SEC24A: variants seen among roughly 807,000 people sequenced by gnomAD.
The protein encoded by SEC24A is SEC24 homolog A, COPII component.
A neutral mutation model predicts 129.4 loss-of-function variants in SEC24A; 93 were observed. That is an observed-to-expected ratio of 0.72 (90% CI 0.61 to 0.85). SEC24A has a LOEUF of 0.85. Among genes scored for constraint, SEC24A ranks in the 40% least tolerant of loss-of-function variants. The probability of loss-of-function intolerance (pLI) is 0.00; values close to 1 mark genes in which losing one functional copy is unlikely to be tolerated. For missense variants in SEC24A, 1,264 were observed against 1,307.4 expected (o/e 0.97, Z 0.51); for synonymous variants, 460 against 467.3 (o/e 0.98, Z 0.20).
At chr5:134,716,306 C>T (rs547166707) in intron 19 of SEC24A, among the ~76,000 whole-genome samples, 5 of 151,312 alleles carry the variant, frequency 3.3e-5, no homozygotes, top group African/African-American at 7.3e-5. Context: ...AATAAAAATA[C>T]GAAAAACAAA....
At position 134,661,466 on chromosome 5, in the gene SEC24A, A is replaced by G; in HGVS notation, c.445A>G (p.Thr149Ala). 6.2e-7 allele frequency: 1 copy of G among 1,614,208 alleles called. No individual in the cohort carries two copies. The highest frequency in any genetic ancestry group is 1.1e-5 in the South Asian group (1 of 91,088). ...QYNYPSTASQ[T>A]NHCPRASSQP... Reference sequence around the variant, plus strand: ...TAACTATCCATCCACAGCCTCACAAACAAACCATTGTCCTCGTGCATCATC... The same window carrying G: ...TAACTATCCATCCACAGCCTCACAAGCAAACCATTGTCCTCGTGCATCATC... Residue 149 changes from threonine to alanine, a missense_variant, in exon 2 of 23, where the codon ACA becomes GCA. By Grantham distance (58) the Thr-to-Ala change is moderately conservative. Coordinates refer to ENST00000398844, the MANE Select transcript of SEC24A (RefSeq NM_021982.3).
chr5:134,719,398 A>AAAG lies in SEC24A; in HGVS notation c.2970+1232_2970+1234dup, dbSNP rs1554142527. ...CCTAGTCTCAAAAAAAAAAAAAAAA[A>AAAG]AAGAAGAAGTTGGCTGGGCCCAGTA... On this transcript the variant is annotated intron_variant, in intron 20 of 22. Coordinates refer to ENST00000398844, the MANE Select transcript of SEC24A (RefSeq NM_021982.3). 8.0e-5 allele frequency among the ~76,000 whole-genome samples: 12 copies of AAAG among 149,714 alleles called. No individual in the cohort carries two copies. In the East Asian group the frequency reaches 1.4e-3, roughly 17 times the overall value.
chr5:134,696,815 A>G (rs1211566631), intron 13 of SEC24A, among the ~76,000 whole-genome samples: 1 of 151,184 alleles, frequency 6.6e-6, no homozygotes, highest in African/African-American at 2.4e-5. Flanking sequence ...TTTTTTTTTA[A>G]ATAAATAAAG....
At chr5:134,670,280 C>T (rs1008243424) in intron 3 of SEC24A, among the ~76,000 whole-genome samples, 5 of 152,108 alleles carry the variant, frequency 3.3e-5, no homozygotes, top group African/African-American at 1.2e-4. Flanking sequence ...TTTTGTTTCT[C>T]CTAAAAGTTT....
In SEC24A at chr5:134,672,576, C is replaced by T. The variant is rs540926258; in HGVS notation, c.817+690C>T. Among the ~76,000 whole-genome samples, 5 of 152,026 alleles carry T rather than the reference C, an allele frequency of 3.3e-5. No homozygotes were observed. The South Asian group carries it at 1.0e-3, about 32-fold the overall frequency. On this transcript the variant is annotated intron_variant, in intron 4 of 22. Coordinates refer to ENST00000398844, the MANE Select transcript of SEC24A (RefSeq NM_021982.3). ...AATTCCTGGGCTCAAGCGATCTGCCCATTTTGCCTCCCAAAGTGCTGGGAT... is the reference window on the plus strand; with the variant it reads ...AATTCCTGGGCTCAAGCGATCTGCCTATTTTGCCTCCCAAAGTGCTGGGAT...
intron 20 of SEC24A, 120 bp from the exon 21 acceptor site, chr5:134,720,878 G>C (rs1752608972): frequency 1.8e-6 from 1 of 543,574 alleles, no homozygotes; most frequent in Non-Finnish European, 3.3e-6. Flanking sequence ...CTCCAGCCTG[G>C]GTGACAGAGT....
chr5:134,658,283 A>G (rs972660386), intron 1 of SEC24A, among the ~76,000 whole-genome samples: 6 of 152,232 alleles, frequency 3.9e-5, no homozygotes, highest in Non-Finnish European at 8.8e-5. Context: ...AAAAAAATCA[A>G]AAGCAATATA....
intron 1 of SEC24A, among the ~76,000 whole-genome samples, chr5:134,649,928 G>A (rs968340558): frequency 1.3e-5 from 2 of 152,184 alleles, no homozygotes; most frequent in African/African-American, 4.8e-5. Flanking sequence ...TGTTACAATA[G>A]ACAAAGACTT....
intron 4 of SEC24A, among the ~76,000 whole-genome samples, chr5:134,672,337 G>A (rs1419817736): frequency 1.3e-5 from 2 of 152,134 alleles, no homozygotes; most frequent in African/African-American, 4.8e-5. Context: ...AGAGGCACCC[G>A]CCACCACACC....
At position 134,691,224 on chromosome 5, in the gene SEC24A, C is replaced by T. The variant is rs1450794098; in HGVS notation, c.1724-1378C>T. On this transcript the variant is annotated intron_variant, in intron 11 of 22. Coordinates refer to ENST00000398844, the MANE Select transcript of SEC24A (RefSeq NM_021982.3). ...TTGCTCTGTCACCCAGGCTGGAGTG[C>T]AGTGGCGCGATCTTGGTGGCTCACT... Among the ~76,000 whole-genome samples, 3 of 147,652 alleles carry T rather than the reference C, an allele frequency of 2.0e-5. No individual in the cohort carries two copies. The Admixed American group carries it at 2.1e-4, about 10-fold the overall frequency.
chr5:134,687,243 C>T (rs949629544), intron 10 of SEC24A, among the ~76,000 whole-genome samples: 11 of 152,126 alleles, frequency 7.2e-5, no homozygotes, highest in African/African-American at 2.4e-4. Flanking sequence ...TTTACCTATA[C>T]GTACTTCAAG....
intron 1 of SEC24A, among the ~76,000 whole-genome samples, chr5:134,654,208 CAAA>C: frequency 6.8e-6 from 1 of 147,086 alleles, no homozygotes; most frequent in African/African-American, 2.5e-5. Context: ...TAGCCTTTTT[CAAA>C]AAAAAAAAAT....
chr5:134,702,763 T>A (rs1245448964), intron 15 of SEC24A, among the ~76,000 whole-genome samples: 1 of 152,048 alleles, frequency 6.6e-6, no homozygotes, highest in Non-Finnish European at 1.5e-5. Flanking sequence ...GTTTGTTTGT[T>A]GTTGTTGTTG....
rs1330187792 is a variant in SEC24A, at chr5:134,720,828, G to C, written c.2971-170G>C. Among the ~76,000 whole-genome samples, 18 of 152,140 alleles carry C rather than the reference G, an allele frequency of 1.2e-4. No individual in the cohort carries two copies. The East Asian group carries it at 3.5e-3, about 29-fold the overall frequency. On this transcript the variant is annotated intron_variant, in intron 20 of 22. Transcript: ENST00000398844. Reference sequence around the variant, plus strand: ...TGAGGTGGGAAATCGCTTGAACCCAGGAGTCGGAGGTTGCAGTGAGCCGAG... The same window carrying C: ...TGAGGTGGGAAATCGCTTGAACCCACGAGTCGGAGGTTGCAGTGAGCCGAG...
intron 9 of SEC24A, among the ~76,000 whole-genome samples, chr5:134,683,210 G>C (rs190512963): frequency 0.015 from 2,264 of 151,578 alleles, 73 homozygotes; most frequent in Admixed American, 0.079. Context: ...TAATAGAGAC[G>C]GGGTTTCACC....
intron 20 of SEC24A, 41 bp downstream of exon 20, chr5:134,718,214 T>G: frequency 2.2e-6 from 3 of 1,362,872 alleles, no homozygotes; most frequent in Non-Finnish European, 3.2e-6. Flanking sequence ...TGCAAACTAC[T>G]ATACTGTTTT....
intron 8 of SEC24A, among the ~76,000 whole-genome samples, chr5:134,680,144 G>A (rs552223653): frequency 3.3e-5 from 5 of 152,228 alleles, no homozygotes; most frequent in Non-Finnish European, 7.4e-5. Flanking sequence ...GTGCTAGAAG[G>A]TTAGTTGAAT....
At position 134,696,375 on chromosome 5, in the gene SEC24A, G is replaced by A. The variant is rs761678607; in HGVS notation, c.1987-751G>A. Among the ~76,000 whole-genome samples the A allele has an allele frequency of 3.3e-5, 5 of 151,580 alleles. No individual in the cohort carries two copies. The South Asian group carries it at 8.3e-4, about 25-fold the overall frequency. ...TATGAATTGTTTAGAACAGTTTCCAGCATACTGAACATTTAATATATTTTA... is the reference window on the plus strand; with the variant it reads ...TATGAATTGTTTAGAACAGTTTCCAACATACTGAACATTTAATATATTTTA... On this transcript the variant is annotated intron_variant, in intron 13 of 22. Transcript: ENST00000398844.
intron 4 of SEC24A, among the ~76,000 whole-genome samples, chr5:134,672,530 A>G (rs1054136948): frequency 3.3e-5 from 5 of 151,730 alleles, no homozygotes; most frequent in Non-Finnish European, 7.4e-5. Flanking sequence ...GGGTTTCACC[A>G]TGTTACCCAG....
Sources: allele counts gnomAD v4.1 joint callset (sites outside exome capture counted in the v4.1 genomes callset), GRCh38; gene constraint gnomAD v4.1.1; transcripts MANE v1.5; gene names NCBI Gene and HGNC (gene_info 2026-07-23, HGNC 2026-07-21).